Variants in PRKN observed in about 807,000 individuals in gnomAD.
PRKN encodes parkin RBR E3 ubiquitin protein ligase, also known as E3 ubiquitin-protein ligase parkin.
In PRKN, 56 loss-of-function variants were observed where a neutral mutation model predicts 59.5. That is an observed-to-expected ratio of 0.94 (90% CI 0.76 to 1.18). The LOEUF (loss-of-function observed/expected upper bound fraction) is 1.18, where lower values mean the gene tolerates loss of function less well. Ranked by LOEUF, PRKN falls within the 50% of genes most tolerant of loss-of-function variation. The pLI, the probability that PRKN is intolerant of heterozygous loss-of-function variation, is 0.00. For missense variants in PRKN, 657 were observed against 596.4 expected, an observed-to-expected ratio of 1.10 and a Z score of -1.06; for synonymous variants, 250 against 222.1, an observed-to-expected ratio of 1.13 and a Z score of -1.12.
chr6:162,529,630 T>C (rs1778427587), intron 1 of PRKN, among the ~76,000 whole-genome samples: 1 of 152,146 alleles, frequency 6.6e-6, no homozygotes, highest in Non-Finnish European at 1.5e-5. Context: ...AAGCCATGTC[T>C]CAGGCAGCAG....
At chr6:161,523,891 G>T (rs759091547) in intron 9 of PRKN, among the ~76,000 whole-genome samples, 40 of 152,138 alleles carry the variant, frequency 2.6e-4, no homozygotes, top group South Asian at 8.3e-4. Flanking sequence ...CATCAAGCAT[G>T]GATAGCACCT....
In PRKN at chr6:161,498,517, A is replaced by G. The variant is rs1355965138; in HGVS notation, c.1083+50337T>C. On this transcript the variant is annotated intron_variant, in intron 9 of 11. Coordinates refer to ENST00000366898, the MANE Select transcript of PRKN (RefSeq NM_004562.3). The surrounding 1 kb of genome is among the most constrained non-coding windows in gnomAD (Gnocchi z 4.2). ...GGGTGTGCTGTCCTAACCCAGTTAGATGTCGTCAAATGCCTTGTTTGGCCA... is the reference window on the plus strand; with the variant it reads ...GGGTGTGCTGTCCTAACCCAGTTAGGTGTCGTCAAATGCCTTGTTTGGCCA... 2.0e-5 allele frequency among the ~76,000 whole-genome samples: 3 copies of G among 152,122 alleles called. No homozygotes were observed. Among genetic ancestry groups the G allele is most frequent in the African/African-American group, 7.2e-5 (3 of 41,414 alleles).
chr6:162,650,285 GC>G (rs1476867537), intron 1 of PRKN, among the ~76,000 whole-genome samples: 1 of 152,118 alleles, frequency 6.6e-6, no homozygotes, highest in Admixed American at 6.5e-5. Flanking sequence ...CCTCCACAAT[GC>G]TTTTGAAGCA....
In PRKN at chr6:161,683,573, G is replaced by A. The variant is rs138339981; in HGVS notation, c.871+102199C>T. On this transcript the variant is annotated intron_variant, in intron 7 of 11. Coordinates refer to ENST00000366898, the MANE Select transcript of PRKN (RefSeq NM_004562.3). ...CTCTGACATCACCTGCACCCATAGC[G>A]CTTGACAGGGCAGCACCTGAACGCT... is the stretch of plus-strand genomic sequence containing the variant. Among the ~76,000 whole-genome samples the A allele has an allele frequency of 7.0e-3, 1,065 of 152,252 alleles. 9 individuals are homozygous for A. Among genetic ancestry groups the A allele is most frequent in the Middle Eastern group, 0.014 (4 of 294 alleles).
intron 4 of PRKN, among the ~76,000 whole-genome samples, chr6:162,189,074 A>C (rs1784154249): frequency 6.6e-6 from 1 of 151,748 alleles, no homozygotes; most frequent in Non-Finnish European, 1.5e-5. Context: ...TACTCTAATT[A>C]CCTTCTATAG....
At chr6:162,201,378 T>C (rs1784724965) in intron 3 of PRKN, 126 bp from the exon 4 acceptor site, 4 of 821,054 alleles carry the variant, frequency 4.9e-6, no homozygotes, top group Non-Finnish European at 4.1e-6. Flanking sequence ...GAAACATTAC[T>C]GGAATAAATA....
At chr6:162,302,963 TACAC>T (rs71004084) in intron 2 of PRKN, among the ~76,000 whole-genome samples, 45 of 139,586 alleles carry the variant, frequency 3.2e-4, no homozygotes, top group African/African-American at 1.1e-3. Context: ...GCCTTAAACA[TACAC>T]ACACACACAC....
chr6:162,633,069 A>G (rs1475192083), intron 1 of PRKN, among the ~76,000 whole-genome samples: 1 of 152,002 alleles, frequency 6.6e-6, no homozygotes, highest in East Asian at 1.9e-4. Flanking sequence ...TCTTTAGTAC[A>G]TATCTTTTAG....
At chr6:162,653,729 A>C (rs1778534641) in intron 1 of PRKN, among the ~76,000 whole-genome samples, 1 of 152,192 alleles carries the variant, frequency 6.6e-6, no homozygotes, top group African/African-American at 2.4e-5. Context: ...TGAGAATAGC[A>C]GAGGAAATGT....
rs1190820707 is a variant in PRKN, at chr6:162,094,464, A to T, written c.535-40290T>A. ...GTGCCACTGCACTCCAGCCTGGGTG[A>T]CAGAGGAAGACCCTGTCTTAGGAAA... is the stretch of plus-strand genomic sequence containing the variant. On this transcript the variant is annotated intron_variant, in intron 4 of 11. Transcript: ENST00000366898. Among the ~76,000 whole-genome samples the T allele has an allele frequency of 2.6e-5, 4 of 152,170 alleles. 1 individual carries two copies. In the South Asian group the frequency reaches 8.3e-4, roughly 31 times the overall value.
At chr6:162,437,251 T>C (rs1302652232) in intron 2 of PRKN, among the ~76,000 whole-genome samples, 2 of 152,042 alleles carry the variant, frequency 1.3e-5, no homozygotes, top group Admixed American at 6.6e-5. Flanking sequence ...ATATCACTCA[T>C]TGAATACATA....
chr6:161,416,496 T>A (rs1787857435), intron 9 of PRKN, among the ~76,000 whole-genome samples: 1 of 152,046 alleles, frequency 6.6e-6, no homozygotes, highest in African/African-American at 2.4e-5. Flanking sequence ...GCTAAACAAC[T>A]CACCCAAAGT....
intron 1 of PRKN, among the ~76,000 whole-genome samples, chr6:162,579,678 TTC>T (rs1458195901): frequency 6.6e-6 from 1 of 150,592 alleles, no homozygotes. Context: ...TACACACAGA[TTC>T]ACACACACAT....
chr6:161,507,157 T>C (rs1778203738), intron 9 of PRKN, among the ~76,000 whole-genome samples: 1 of 152,180 alleles, frequency 6.6e-6, no homozygotes, highest in Non-Finnish European at 1.5e-5. Flanking sequence ...TTTTTGCCAC[T>C]TAAGTTGGAC....
chr6:161,741,991 C>T (rs150282395), intron 7 of PRKN, among the ~76,000 whole-genome samples: 89 of 150,842 alleles, frequency 5.9e-4, no homozygotes, highest in East Asian at 4.5e-3. Context: ...TATTTTGAGA[C>T]GGAGTCTTGC....
chr6:162,350,207 C>T (rs967518260), intron 2 of PRKN, among the ~76,000 whole-genome samples: 4 of 151,960 alleles, frequency 2.6e-5, no homozygotes, highest in African/African-American at 4.8e-5. Flanking sequence ...ATAAAGTAGC[C>T]TCAAGTAAAT....
At chr6:161,779,445 T>C (rs1256423174) in intron 7 of PRKN, among the ~76,000 whole-genome samples, 2 of 89,888 alleles carry the variant, frequency 2.2e-5, no homozygotes, top group East Asian at 3.5e-4. Context: ...CTTTTCTTTT[T>C]TTTTTTTTTT....
At chr6:161,958,471 T>A (rs1347085100) in intron 6 of PRKN, among the ~76,000 whole-genome samples, 1 of 152,190 alleles carries the variant, frequency 6.6e-6, no homozygotes, top group Non-Finnish European at 1.5e-5. Context: ...TTTAAAGTAA[T>A]TTCTACATCA....
chr6:161,491,361 G>C (rs1177706949), intron 9 of PRKN, among the ~76,000 whole-genome samples: 1 of 152,204 alleles, frequency 6.6e-6, no homozygotes, highest in Non-Finnish European at 1.5e-5. Context: ...CGTTGATGGG[G>C]TTTGTTTCAG....
Sources: gnomAD v4.1 joint callset for allele counts (sites outside exome capture counted in the v4.1 genomes callset) on GRCh38, gnomAD v4.1.1 for gene constraint, Gnocchi (gnomAD v3.1) non-coding constraint, MANE v1.5 for transcripts, NCBI Gene and HGNC (gene_info 2026-07-23, HGNC 2026-07-21) for gene names.